The following RELCH variants were observed in gnomAD, a reference collection of about 807,000 sequenced individuals.
The protein encoded by RELCH is RAB11-binding protein RELCH.
Under a neutral mutation model 150.3 loss-of-function variants are expected in RELCH, and 41 were observed. The ratio of observed to expected loss-of-function variants is 0.27; its 90% CI spans 0.21 to 0.35. RELCH has a LOEUF of 0.35. Ranked by LOEUF, RELCH falls within the 10% of genes least tolerant of loss-of-function variation. The pLI is 1.00. For missense variants in RELCH, 1,092 were observed against 1,467.8 expected (o/e 0.74, Z 4.18); for synonymous variants, 478 against 531.8 (o/e 0.90, Z 1.39).
rs111648484 is a variant in RELCH at position 62,237,177 on chromosome 18, A to T, written c.1620+4750A>T. On this transcript the variant is annotated intron_variant, in intron 10 of 28. Transcript: ENST00000644646. ...TATTTTATATGACTTTGATCTTTTAAATTTACTAAGAATTACCTATGCCTA... is the reference window on the plus strand; with the variant it reads ...TATTTTATATGACTTTGATCTTTTATATTTACTAAGAATTACCTATGCCTA... Among the ~76,000 whole-genome samples, 464 of 151,818 alleles carry T rather than the reference A, an allele frequency of 3.1e-3. 3 individuals carry two copies. Among genetic ancestry groups the T allele is most frequent in the Non-Finnish European group, 2.2e-3 (152 of 67,764 alleles).
At chr18:62,226,170 T>A (rs1029676366) in intron 5 of RELCH, among the ~76,000 whole-genome samples, 6 of 152,030 alleles carry the variant, frequency 3.9e-5, no homozygotes, top group Non-Finnish European at 7.4e-5. Context: ...TTATAATCTA[T>A]CAAATTAGTA....
At chr18:62,236,475 A>T (rs1044967669) in intron 10 of RELCH, among the ~76,000 whole-genome samples, 9 of 151,722 alleles carry the variant, frequency 5.9e-5, no homozygotes, top group Non-Finnish European at 8.9e-5. Context: ...GGCTGGCTTG[A>T]TAGGGTATAG....
intron 28 of RELCH, among the ~76,000 whole-genome samples, chr18:62,299,224 C>T (rs9954253): frequency 0.068 from 10,294 of 152,144 alleles, 1,150 homozygotes; most frequent in African/African-American, 0.23. Context: ...AGATGAACAA[C>T]GTACTGCATA....
At chr18:62,189,259 G>GTTTTTTTTTTTTTTTTT (rs748259898) in intron 1 of RELCH, among the ~76,000 whole-genome samples, 1 of 118,064 alleles carries the variant, frequency 8.5e-6, no homozygotes, top group African/African-American at 3.3e-5. Context: ...GTCTTTTTTT[G>GTTTTTTTTTTTTTTTTT]TTTTTTTTTT....
intron 5 of RELCH, among the ~76,000 whole-genome samples, chr18:62,225,195 C>A (rs146527518): frequency 6.6e-6 from 1 of 151,138 alleles, no homozygotes; most frequent in Admixed American, 6.6e-5. Flanking sequence ...AAAATTAACT[C>A]AAAATGGAGC....
intron 14 of RELCH, 55 bp downstream of exon 14, chr18:62,258,143 A>G (rs2043078893): frequency 6.4e-6 from 9 of 1,398,572 alleles, no homozygotes; most frequent in South Asian, 1.3e-5. Context: ...CAAGTATTAT[A>G]ATATTCCAAA....
At chr18:62,295,415 T>A (rs2045361535) in intron 27 of RELCH, among the ~76,000 whole-genome samples, 1 of 151,908 alleles carries the variant, frequency 6.6e-6, no homozygotes, top group African/African-American at 2.4e-5. Flanking sequence ...CTGTGTTGAT[T>A]TTTCCCTACT....
At chr18:62,214,513 C>T (rs780297640) in intron 2 of RELCH, among the ~76,000 whole-genome samples, 1 of 152,256 alleles carries the variant, frequency 6.6e-6, no homozygotes, top group East Asian at 1.9e-4. Flanking sequence ...AGTTCTGGGT[C>T]GCAGAAGTGG....
Position 62,305,413 on chromosome 18 carries a change from G to T in RELCH, c.3531-1G>T. 1.3e-6 allele frequency: 2 copies of T among 1,586,704 alleles called. No individual in the cohort carries two copies. Among genetic ancestry groups the T allele is most frequent in the Middle Eastern group, 1.7e-4 (1 of 5,944 alleles). ...CATGAATTTTAAATTTTCTTTCCTAGCTCAATGTCAATTGCTGCAAGCTTA... is the reference window on the plus strand; with the variant it reads ...CATGAATTTTAAATTTTCTTTCCTATCTCAATGTCAATTGCTGCAAGCTTA... On this transcript the variant is annotated splice_acceptor_variant, in intron 28 of 28. Coordinates refer to ENST00000644646, the MANE Select transcript of RELCH (RefSeq NM_001346231.2). LOFTEE classifies it high-confidence loss of function. The surrounding 1 kb of genome is among the most constrained non-coding windows in gnomAD (Gnocchi z 4.0).
Position 62,187,577 on chromosome 18 carries a change from G to T in RELCH, c.72G>T (p.Glu24Asp). The change falls in exon 1 of 29, where the codon GAG becomes GAT. Residue 24 changes from glutamate to aspartate, a missense_variant. By Grantham distance (45) the Glu-to-Asp change is conservative. This residue lies in a region of RELCH where 138 missense variants were observed against 124.8 expected (regional missense o/e 1.11). Transcript: ENST00000644646. ...ATCCATTTCTCAGTGATTCGGATGA[G>T]GACGATGACGAGGTAGCTGCAACAG... ...GVNPFLSDSDEDDDEVAATEE... is the reference protein window; with the variant it reads ...GVNPFLSDSDDDDDEVAATEE... The T allele has an allele frequency of 6.6e-7, 1 of 1,526,512 alleles. No individual in the cohort carries two copies. Among genetic ancestry groups the T allele is most frequent in the Non-Finnish European group, 8.8e-7 (1 of 1,137,748 alleles). 94.6% of individuals were successfully genotyped at this position (1,526,512 alleles called of 1,614,324 possible).
At chr18:62,201,167 G>A (rs2039417883) in intron 1 of RELCH, among the ~76,000 whole-genome samples, 1 of 151,532 alleles carries the variant, frequency 6.6e-6, no homozygotes, top group Non-Finnish European at 1.5e-5. Context: ...TAGAGACGGA[G>A]TTTCACCGTT....
At position 62,257,938 on chromosome 18, in the gene RELCH, T is replaced by G. The variant is rs1419576339; in HGVS notation, c.1897-10T>G. ...GTGTAAATAAATAGTAAAAACATGT[T>G]TATTTTCAGAAAGAAATCCGTAGCT... On this transcript the variant is annotated splice_polypyrimidine_tract_variant and intron_variant, in intron 13 of 28. Transcript: ENST00000644646. The G allele has an allele frequency of 6.3e-7, 1 of 1,583,540 alleles. No individual in the cohort carries two copies. The highest frequency in any genetic ancestry group is 1.4e-5 in the African/African-American group (1 of 72,926).
chr18:62,227,180 C>T, intron 5 of RELCH, 109 bp from the exon 6 acceptor site: 1 of 738,448 alleles, frequency 1.4e-6, no homozygotes, highest in Non-Finnish European at 2.2e-6. Context: ...CTGCATGACA[C>T]AGCAAAACCG....
At chr18:62,257,785 G>T (rs1406683224) in intron 13 of RELCH, among the ~76,000 whole-genome samples, 163 bp from the exon 14 acceptor site, 1 of 151,440 alleles carries the variant, frequency 6.6e-6, no homozygotes, top group Non-Finnish European at 1.5e-5. Flanking sequence ...AAAAAAAAAA[G>T]GTCTGAAGCA....
At chr18:62,199,973 A>G (rs993217392) in intron 1 of RELCH, among the ~76,000 whole-genome samples, 1 of 151,912 alleles carries the variant, frequency 6.6e-6, no homozygotes, top group Non-Finnish European at 1.5e-5. Flanking sequence ...AATAATTACT[A>G]TTGTTGTCAT....
intron 5 of RELCH, among the ~76,000 whole-genome samples, chr18:62,222,864 A>T (rs1440521947): frequency 6.6e-6 from 1 of 152,038 alleles, no homozygotes; most frequent in African/African-American, 2.4e-5. Flanking sequence ...AGCAATTAGT[A>T]ACAAAGTTAT....
chr18:62,269,478 G>T, intron 20 of RELCH: 1 of 411,834 alleles, frequency 2.4e-6, no homozygotes, highest in South Asian at 1.7e-5. Flanking sequence ...AACACAAAAT[G>T]TGTTTCATAT....
chr18:62,206,490 G>C (rs573829104), intron 1 of RELCH, among the ~76,000 whole-genome samples: 25 of 152,334 alleles, frequency 1.6e-4, no homozygotes, highest in Admixed American at 1.1e-3. Flanking sequence ...TTTAAAAGGT[G>C]ATGGGGGAGC....
Position 62,298,873 on chromosome 18 carries a change from T to C in RELCH, c.3530+13T>C. 6.7e-7 allele frequency: 1 copy of C among 1,481,708 alleles called. No individual in the cohort carries two copies. The highest frequency in any genetic ancestry group is 9.3e-7 in the Non-Finnish European group (1 of 1,075,422). 91.8% of individuals were successfully genotyped at this position (1,481,708 alleles called of 1,614,324 possible). On this transcript the variant is annotated intron_variant, in intron 28 of 28. Coordinates refer to ENST00000644646, the MANE Select transcript of RELCH (RefSeq NM_001346231.2). The stretch of plus-strand genomic sequence containing the variant: ...AAGAGCCTCAAGGGTAAGACATTAA[T>C]TCTTTTTTTAAGGCTACATGTTAAC...
Sources: allele counts gnomAD v4.1 joint callset (sites outside exome capture counted in the v4.1 genomes callset), GRCh38; gene constraint gnomAD v4.1.1; regional missense constraint gnomAD v4.1.1; non-coding constraint Gnocchi (gnomAD v3.1); transcripts MANE v1.5; gene names NCBI Gene and HGNC (gene_info 2026-07-23, HGNC 2026-07-21).